Variants in RBM47 observed in about 807,000 individuals in gnomAD.
RBM47 encodes the protein RNA-binding protein 47.
A neutral mutation model predicts 47.1 loss-of-function variants in RBM47; 21 were observed. That is an observed-to-expected ratio of 0.45 (90% CI 0.32 to 0.64). The LOEUF (loss-of-function observed/expected upper bound fraction) is 0.64. Among genes scored for constraint, RBM47 ranks in the 30% least tolerant of loss-of-function variants. The probability of loss-of-function intolerance (pLI) is 0.05; values close to 1 mark genes in which losing one functional copy is unlikely to be tolerated. For synonymous variants in RBM47, 375 were observed against 361.7 expected (o/e 1.04, Z -0.42); for missense variants, 708 against 870.9 (o/e 0.81, Z 2.35).
intron 2 of RBM47, among the ~76,000 whole-genome samples, chr4:40,517,618 T>C (rs1420469343): frequency 6.6e-6 from 1 of 152,222 alleles, no homozygotes; most frequent in Non-Finnish European, 1.5e-5. Context: ...TCAGTGTCTG[T>C]GGGTTCCGCA....
At chr4:40,467,554 G>A (rs541132932) in intron 2 of RBM47, among the ~76,000 whole-genome samples, 9 of 152,040 alleles carry the variant, frequency 5.9e-5, no homozygotes, top group Non-Finnish European at 1.3e-4. Context: ...GCCTCCCAAA[G>A]TGCCAGGATT....
chr4:40,431,795 G>A (rs1716122083), intron 6 of RBM47, among the ~76,000 whole-genome samples: 1 of 152,158 alleles, frequency 6.6e-6, no homozygotes, highest in Admixed American at 6.5e-5. Context: ...ATGAGTTTGG[G>A]AAGAGATAGG....
At chr4:40,584,402 G>A (rs1251294494) in intron 1 of RBM47, among the ~76,000 whole-genome samples, 1 of 152,136 alleles carries the variant, frequency 6.6e-6, no homozygotes, top group East Asian at 1.9e-4. Context: ...AAATGCAATG[G>A]GAGACACGTA....
intron 1 of RBM47, among the ~76,000 whole-genome samples, chr4:40,570,371 TCAGGCA>T: frequency 6.6e-6 from 1 of 151,854 alleles, no homozygotes; most frequent in Non-Finnish European, 1.5e-5. Flanking sequence ...TGACAGATCA[TCAGGCA>T]TTAGATTCTC....
chr4:40,530,681 A>AATT (rs1362271061), intron 2 of RBM47, among the ~76,000 whole-genome samples: 10 of 152,360 alleles, frequency 6.6e-5, no homozygotes, highest in African/African-American at 2.2e-4. Context: ...GGTCTAAAAT[A>AATT]ATTATTATAA....
chr4:40,609,226 G>A (rs1287624054), intron 1 of RBM47, among the ~76,000 whole-genome samples: 5 of 151,608 alleles, frequency 3.3e-5, no homozygotes, highest in South Asian at 2.1e-4. Context: ...ACTCCCGACC[G>A]TGATTCACCC....
chr4:40,454,947 G>A lies in RBM47; in HGVS notation c.-32+11630C>T, dbSNP rs1256831136. Among the ~76,000 whole-genome samples, 315 of 152,278 alleles carry A rather than the reference G, an allele frequency of 2.1e-3. 1 individual carries two copies. Among genetic ancestry groups the A allele is most frequent in the Non-Finnish European group, 3.5e-3 (237 of 68,020 alleles). On this transcript the variant is annotated intron_variant, in intron 3 of 6. Transcript: ENST00000295971. ...TACTTACTTACTTACAGCAGGTTTA[G>A]CAATAGCCAGTGTTAACAGGATAAG...
intron 2 of RBM47, among the ~76,000 whole-genome samples, chr4:40,474,104 G>GT (rs534518451): frequency 1.3e-3 from 199 of 152,282 alleles, no homozygotes; most frequent in Non-Finnish European, 1.4e-3. Context: ...AAATTACGCT[G>GT]TTAACTGCCC....
rs146262545 is a variant in RBM47, at chr4:40,573,995, T to C, written c.-239-29489A>G. ...TTCATTTGTTAAAGGCTATGGTGGA[T>C]CAGATGACCTTTTGCCACAAAGCTT... On this transcript the variant is annotated intron_variant, in intron 1 of 6. Transcript: ENST00000295971. 2.0e-3 allele frequency among the ~76,000 whole-genome samples: 312 copies of C among 152,304 alleles called. 1 individual carries two copies. Among genetic ancestry groups the C allele is most frequent in the African/African-American group, 7.1e-3 (295 of 41,564 alleles).
intron 1 of RBM47, among the ~76,000 whole-genome samples, chr4:40,593,771 C>G (rs1422548213): frequency 6.6e-6 from 1 of 151,796 alleles, no homozygotes; most frequent in African/African-American, 2.4e-5. Flanking sequence ...GTAGTCCCAG[C>G]TACTCGGGAG....
intron 2 of RBM47, among the ~76,000 whole-genome samples, chr4:40,525,816 GA>G (rs1040534129): frequency 4.0e-5 from 6 of 151,756 alleles, no homozygotes; most frequent in Non-Finnish European, 5.9e-5. Context: ...GCATCAGAAA[GA>G]AAAGTAAGAG....
At chr4:40,594,777 C>A (rs949285655) in intron 1 of RBM47, among the ~76,000 whole-genome samples, 1 of 152,190 alleles carries the variant, frequency 6.6e-6, no homozygotes, top group Non-Finnish European at 1.5e-5. Flanking sequence ...CCCTCCTTTC[C>A]ACTCCAATTT....
chr4:40,579,571 A>G (rs187550401), intron 1 of RBM47, among the ~76,000 whole-genome samples: 49 of 152,204 alleles, frequency 3.2e-4, no homozygotes, highest in Non-Finnish European at 8.8e-5. Context: ...TTAAGTGGGA[A>G]CTAGATTACC....
Position 40,438,066 on chromosome 4 carries a change from G to C in RBM47, c.828C>G (p.Arg276=). The C allele has an allele frequency of 1.9e-6, 3 of 1,613,772 alleles. No homozygotes were observed. The highest frequency in any genetic ancestry group is 1.7e-4 in the Middle Eastern group (1 of 6,060). ...AGGCGTAGTCGCGGATCTTCTTGAC[G>C]CGCTCCACGCAGCCGGGGTTGAACT... ...FGQFNPGCVE[R]VKKIRDYAFV... The change falls in exon 4 of 7, where the codon CGC becomes CGG. Residue 276 remains arginine, a synonymous_variant. Coordinates refer to ENST00000295971, the MANE Select transcript of RBM47 (RefSeq NM_001098634.2).
chr4:40,487,236 T>G (rs1721214831), intron 2 of RBM47, among the ~76,000 whole-genome samples: 1 of 152,214 alleles, frequency 6.6e-6, no homozygotes, highest in South Asian at 2.1e-4. Context: ...GGAACTCAGA[T>G]TTCCTCAAGG....
chr4:40,442,458 T>G (rs1283062999), intron 3 of RBM47, among the ~76,000 whole-genome samples: 1 of 152,146 alleles, frequency 6.6e-6, no homozygotes, highest in African/African-American at 2.4e-5. Flanking sequence ...TAAAAAACAG[T>G]ATGGTGGTTC....
chr4:40,431,563 C>G (rs1421338347), intron 6 of RBM47, among the ~76,000 whole-genome samples: 1 of 151,428 alleles, frequency 6.6e-6, no homozygotes, highest in African/African-American at 2.4e-5. Flanking sequence ...GAGGCTGAGG[C>G]AGGAGAATGG....
At chr4:40,452,855 T>C (rs568093216) in intron 3 of RBM47, among the ~76,000 whole-genome samples, 1 of 150,382 alleles carries the variant, frequency 6.6e-6, no homozygotes, top group East Asian at 1.9e-4. Context: ...TTTTTTTTTT[T>C]TTTTTTAAGA....
At chr4:40,525,187 C>G (rs1360747122) in intron 2 of RBM47, among the ~76,000 whole-genome samples, 2 of 152,174 alleles carry the variant, frequency 1.3e-5, no homozygotes, top group Admixed American at 1.3e-4. Context: ...TCTGTAATCC[C>G]AGCACTTTGG....
Sources: allele counts gnomAD v4.1 joint callset (sites outside exome capture counted in the v4.1 genomes callset), GRCh38; gene constraint gnomAD v4.1.1; transcripts MANE v1.5; gene names NCBI Gene and HGNC (gene_info 2026-07-23, HGNC 2026-07-21).